MEIS1: variants seen among roughly 807,000 people sequenced by gnomAD.
MEIS1 encodes the protein Meis homeobox 1, also known as homeobox protein Meis1.
In MEIS1, 5 loss-of-function variants were observed where a neutral mutation model predicts 50.8. The ratio of observed to expected loss-of-function variants is 0.10; its 90% CI spans 0.05 to 0.21. MEIS1 has a LOEUF of 0.21. MEIS1 is among the 10% of genes least tolerant of loss of function. The pLI, the probability that MEIS1 is intolerant of heterozygous loss-of-function variation, is 1.00. For missense variants in MEIS1, 318 were observed against 517.3 expected (o/e 0.61, Z 3.74); for synonymous variants, 176 against 179.3 (o/e 0.98, Z 0.15).
At chr2:66,560,021 T>C (rs1317852374) in intron 9 of MEIS1, among the ~76,000 whole-genome samples, 2 of 151,170 alleles carry the variant, frequency 1.3e-5, no homozygotes, top group African/African-American at 4.9e-5. Flanking sequence ...GATCTTATAC[T>C]CCAGGCTCAA....
intron 7 of MEIS1, among the ~76,000 whole-genome samples, chr2:66,492,440 A>G (rs1186165067): frequency 6.6e-6 from 1 of 152,084 alleles, no homozygotes; most frequent in Non-Finnish European, 1.5e-5. Flanking sequence ...TGCTGCACTG[A>G]ACTCAGCACA....
chr2:66,557,095 G>A (rs1199854588), intron 9 of MEIS1, among the ~76,000 whole-genome samples: 1 of 152,076 alleles, frequency 6.6e-6, no homozygotes, highest in Non-Finnish European at 1.5e-5. Context: ...TCAAAAGGGA[G>A]CATGGATTAA....
intron 1 of MEIS1, 124 bp downstream of exon 1, chr2:66,435,992 G>A: frequency 1.0e-5 from 8 of 788,414 alleles, no homozygotes; most frequent in Non-Finnish European, 1.5e-5. Flanking sequence ...TCCTAAAGCC[G>A]TGGCCTAAGC....
chr2:66,475,066 T>G (rs1672857321), intron 7 of MEIS1, among the ~76,000 whole-genome samples: 1 of 151,038 alleles, frequency 6.6e-6, no homozygotes, highest in East Asian at 1.9e-4. Flanking sequence ...GCTAGCACCT[T>G]GACACCCTTT....
chr2:66,500,317 A>T (rs1007029304), intron 7 of MEIS1, among the ~76,000 whole-genome samples: 8 of 152,194 alleles, frequency 5.3e-5, no homozygotes, highest in African/African-American at 1.9e-4. Flanking sequence ...TCTTGAGTGC[A>T]GTGTAGGCAT....
At chr2:66,476,892 G>T (rs1305535322) in intron 7 of MEIS1, among the ~76,000 whole-genome samples, 2 of 151,952 alleles carry the variant, frequency 1.3e-5, no homozygotes, top group Admixed American at 6.6e-5. Context: ...GAGAAGAGGG[G>T]CATGTAAGGA....
intron 6 of MEIS1, among the ~76,000 whole-genome samples, chr2:66,458,219 A>T (rs1347712682): frequency 6.6e-6 from 1 of 152,174 alleles, no homozygotes; most frequent in Admixed American, 6.5e-5. Flanking sequence ...TGAATGACTG[A>T]CTGGGAAGAT....
intron 8 of MEIS1, among the ~76,000 whole-genome samples, chr2:66,526,212 A>G (rs1162875926): frequency 6.6e-6 from 1 of 152,218 alleles, no homozygotes; most frequent in African/African-American, 2.4e-5. Context: ...CCTATTAATC[A>G]TTGCTTAGCA....
intron 8 of MEIS1, among the ~76,000 whole-genome samples, chr2:66,520,806 G>C (rs1016724433): frequency 6.6e-6 from 1 of 152,190 alleles, no homozygotes; most frequent in Non-Finnish European, 1.5e-5. Flanking sequence ...GAAATTTAGA[G>C]AAGTTAATGA....
At chr2:66,489,278 A>T (rs1458945360) in intron 7 of MEIS1, among the ~76,000 whole-genome samples, 2 of 152,228 alleles carry the variant, frequency 1.3e-5, no homozygotes, top group African/African-American at 4.8e-5. Flanking sequence ...AATACGCCTT[A>T]GTTGTCTAAG....
chr2:66,461,799 C>A, intron 6 of MEIS1: 1 of 460,318 alleles, frequency 2.2e-6, no homozygotes, highest in South Asian at 1.6e-5. Flanking sequence ...GAATGCCTCA[C>A]AGATCATAGC....
At chr2:66,460,567 T>C (rs977179408) in intron 6 of MEIS1, among the ~76,000 whole-genome samples, 8 of 152,162 alleles carry the variant, frequency 5.3e-5, no homozygotes, top group African/African-American at 1.9e-4. Context: ...TTATATATTA[T>C]ATATCGATCA....
intron 3 of MEIS1, 104 bp from the exon 4 acceptor site, chr2:66,440,458 C>T (rs115175372): frequency 9.2e-6 from 9 of 977,778 alleles, no homozygotes; most frequent in Admixed American, 2.0e-5. Flanking sequence ...TTCCTGCCCC[C>T]GACAGTGTAA....
chr2:66,551,107 T>C (rs944405570), intron 9 of MEIS1, among the ~76,000 whole-genome samples: 1 of 152,170 alleles, frequency 6.6e-6, no homozygotes, highest in African/African-American at 2.4e-5. Context: ...TATCAAAATA[T>C]ATAATATGTA....
chr2:66,498,606 T>C (rs1386199638), intron 7 of MEIS1, among the ~76,000 whole-genome samples: 1 of 152,188 alleles, frequency 6.6e-6, no homozygotes, highest in Non-Finnish European at 1.5e-5. Context: ...TGAGGTCACC[T>C]ACTCAAAATG....
rs373668634 is a variant in MEIS1 at position 66,547,918 on chromosome 2, A to G, written c.889-25A>G. 9.3e-5 allele frequency: 150 copies of G among 1,611,816 alleles called. No homozygotes were observed. In the African/African-American group the frequency reaches 1.7e-3, roughly 18 times the overall value. ...AATGGCTAAATATTGCCTGATGCAC[A>G]CGTATCTTTTTTATTCTCTTTCAGC... On this transcript the variant is annotated intron_variant, in intron 8 of 12. Coordinates refer to ENST00000272369, the MANE Select transcript of MEIS1 (RefSeq NM_002398.3).
intron 9 of MEIS1, among the ~76,000 whole-genome samples, chr2:66,554,041 G>C (rs980753288): frequency 2.6e-5 from 4 of 152,220 alleles, no homozygotes; most frequent in African/African-American, 9.6e-5. Context: ...GGCAGTTGCT[G>C]AGCTTCTCAG....
At chr2:66,498,340 C>T (rs542602209) in intron 7 of MEIS1, among the ~76,000 whole-genome samples, 3 of 152,112 alleles carry the variant, frequency 2.0e-5, no homozygotes, top group South Asian at 2.1e-4. Flanking sequence ...AGGGGTGAAA[C>T]GGGGCTTTGG....
intron 7 of MEIS1, among the ~76,000 whole-genome samples, chr2:66,481,483 C>T (rs1029657527): frequency 6.6e-6 from 1 of 152,148 alleles, no homozygotes; most frequent in Admixed American, 6.5e-5. Flanking sequence ...GTTCCTATTT[C>T]AGAGGAGCAA....
Sources: allele counts gnomAD v4.1 joint callset (sites outside exome capture counted in the v4.1 genomes callset), GRCh38; gene constraint gnomAD v4.1.1; transcripts MANE v1.5; gene names NCBI Gene and HGNC (gene_info 2026-07-23, HGNC 2026-07-21).